ENSA: variants seen among roughly 807,000 people sequenced by gnomAD.
ENSA encodes endosulfine alpha.
Under a neutral mutation model 16.8 loss-of-function variants are expected in ENSA, and 7 were observed. The ratio of observed to expected loss-of-function variants is 0.42; its 90% CI spans 0.24 to 0.78. The LOEUF (loss-of-function observed/expected upper bound fraction) is 0.78. ENSA is among the 30% of genes least tolerant of loss of function. The pLI is 0.29. For synonymous variants in ENSA, 58 were observed against 53.4 expected (o/e 1.09, Z -0.37); for missense variants, 87 against 142.3 (o/e 0.61, Z 1.98).
chr1:150,624,286 C>T (rs1391308241), intron 3 of ENSA: 58 of 985,822 alleles, frequency 5.9e-5, no homozygotes, highest in Non-Finnish European at 6.5e-5. Flanking sequence ...TAACCACTTT[C>T]CCCAGCTTCC....
rs752097607 is a variant in ENSA at position 150,622,236 on chromosome 1, A to G, written c.*608T>C. On this transcript the variant is annotated 3_prime_UTR_variant, in exon 4 of 4. Transcript: ENST00000369014. ...CTCACGGCTCCTTTCTCCCACACTC[A>G]CTGCCCTTCTTCCCACAGCAAATCT... 6.6e-6 allele frequency: 1 copy of G among 152,040 alleles called. No homozygotes were observed. Among genetic ancestry groups the G allele is most frequent in the Non-Finnish European group, 1.5e-5 (1 of 68,010 alleles). The allele number at this position is 152,040 out of a possible 1,614,324, so 9.4% of individuals were successfully genotyped here. A position where few individuals can be genotyped will look rare whatever the true frequency, so the allele number is the denominator to read the frequency against.
Position 150,627,175 on chromosome 1 carries a change from C to T in ENSA, c.183+292G>A, listed in dbSNP as rs587597416. The T allele has an allele frequency of 6.8e-6, 10 of 1,479,342 alleles. No homozygotes were observed. The East Asian group carries it at 2.4e-4, about 35-fold the overall frequency. 91.6% of individuals were successfully genotyped at this position (1,479,342 alleles called of 1,614,324 possible). On this transcript the variant is annotated intron_variant, in intron 2 of 3. Coordinates refer to ENST00000369014, the MANE Select transcript of ENSA (RefSeq NM_004436.4). Reference sequence around the variant, plus strand: ...CTAAAACCTCCAACATTCAAACAGGCAAATGCCTGGGGGCAGTCTGCATTT... The same window carrying T: ...CTAAAACCTCCAACATTCAAACAGGTAAATGCCTGGGGGCAGTCTGCATTT...
At chr1:150,624,785 G>A (rs1971378) in intron 3 of ENSA, 511,009 of 984,308 alleles carry the variant, frequency 0.52, 137,765 homozygotes, top group Non-Finnish European at 0.55. Context: ...TTTTCTGCTG[G>A]CAGTTAAGAC....
chr1:150,622,947 C>G, intron 3 of ENSA, 88 bp from the exon 4 acceptor site: 1 of 1,451,782 alleles, frequency 6.9e-7, no homozygotes, highest in Non-Finnish European at 9.3e-7. Flanking sequence ...CAGTCTCTAC[C>G]CCATGATTCC....
chr1:150,629,073 A>G (rs1188124802), intron 1 of ENSA: 13 of 1,614,104 alleles, frequency 8.1e-6, no homozygotes, highest in East Asian at 4.5e-5. Flanking sequence ...CTACAAACCA[A>G]TAACACACAT....
chr1:150,629,269 T>G, intron 1 of ENSA, 145 bp downstream of exon 1: 2 of 1,505,308 alleles, frequency 1.3e-6, no homozygotes, highest in South Asian at 1.2e-5. Flanking sequence ...CAGCATGTCG[T>G]GTTGAAGCTC....
chr1:150,627,014 T>TGGTGA, intron 2 of ENSA: 1 of 1,119,524 alleles, frequency 8.9e-7, no homozygotes, highest in Non-Finnish European at 1.1e-6. Context: ...AATTAATGGC[T>TGGTGA]GGTGCTCACT....
intron 3 of ENSA, chr1:150,624,340 C>A: frequency 1.0e-6 from 1 of 985,916 alleles, no homozygotes; most frequent in Non-Finnish European, 1.2e-6. Context: ...TCCAGCCCTG[C>A]AGGAGTACTC....
chr1:150,623,171 G>A, intron 3 of ENSA: 1 of 1,176,538 alleles, frequency 8.5e-7, no homozygotes, highest in East Asian at 4.9e-5. Context: ...AAGCTGCCTG[G>A]CTCAGAGCAG....
At chr1:150,629,250 G>C (rs767953285) in intron 1 of ENSA, 164 bp downstream of exon 1, 29 of 1,517,812 alleles carry the variant, frequency 1.9e-5, no homozygotes, top group Non-Finnish European at 2.3e-5. Flanking sequence ...CAACTAACCA[G>C]CGCCAAAGCA....
chr1:150,625,106 C>G, intron 3 of ENSA: 2 of 985,404 alleles, frequency 2.0e-6, no homozygotes, highest in Non-Finnish European at 2.4e-6. Flanking sequence ...TAAGGGGGCA[C>G]TGTAGTTTTA....
intron 2 of ENSA, 41 bp from the exon 3 acceptor site, chr1:150,625,849 G>C (rs902403692): frequency 2.6e-6 from 4 of 1,523,748 alleles, no homozygotes; most frequent in Non-Finnish European, 3.5e-6. Flanking sequence ...GAGGACTCTG[G>C]CCTTCCTCAA....
rs1403455350 is a variant in ENSA at position 150,624,953 on chromosome 1, T to C, written c.350+689A>G. 4.1e-6 allele frequency: 4 copies of C among 984,734 alleles called. No homozygotes were observed. The Middle Eastern group carries it at 2.1e-3, about 515-fold the overall frequency. 61.0% of individuals were successfully genotyped at this position (984,734 alleles called of 1,614,324 possible). Reference sequence around the variant, plus strand: ...GATATCTTGACTCCTAAACCAGTGCTCGTCCCACTATCCCATGATACTTTC... The same window carrying C: ...GATATCTTGACTCCTAAACCAGTGCCCGTCCCACTATCCCATGATACTTTC... On this transcript the variant is annotated intron_variant, in intron 3 of 3. Transcript: ENST00000369014.
chr1:150,626,906 T>C, intron 2 of ENSA: 1 of 442,306 alleles, frequency 2.3e-6, no homozygotes, highest in Non-Finnish European at 3.1e-6. Context: ...CTTTGGGAAC[T>C]AAAAATCTGA....
intron 2 of ENSA, chr1:150,627,148 T>C: frequency 6.8e-7 from 1 of 1,472,884 alleles, no homozygotes; most frequent in Non-Finnish European, 8.9e-7. Flanking sequence ...AAGTGCACAA[T>C]CCTAAAACCT....
At chr1:150,622,962 C>T in intron 3 of ENSA, 103 bp from the exon 4 acceptor site, 1 of 1,399,954 alleles carries the variant, frequency 7.1e-7, no homozygotes, top group East Asian at 2.5e-5. Flanking sequence ...GATTCCTCCA[C>T]ATTTAACAAC....
downstream of ENSA, chr1:150,621,585 C>T (rs1268130348): frequency 6.6e-6 from 1 of 152,182 alleles, no homozygotes; most frequent in Non-Finnish European, 1.5e-5. Flanking sequence ...GGAGTTTTTT[C>T]TCCTTTGGTA....
chr1:150,627,059 G>A (rs1178497337), intron 2 of ENSA: 4 of 1,260,008 alleles, frequency 3.2e-6, no homozygotes. Flanking sequence ...ATTTCAAGTT[G>A]AGGATTTATT....
rs754543263 is a variant in ENSA at position 150,622,798 on chromosome 1, G to A, written c.*46C>T. On this transcript the variant is annotated 3_prime_UTR_variant, in exon 4 of 4. Coordinates refer to ENST00000369014, the MANE Select transcript of ENSA (RefSeq NM_004436.4). ...GGAGCCAGCACAGGACCCGGGTGGG[G>A]CAGGGAGGGGAAGCGTCTCAGGATC... 1.3e-6 allele frequency: 2 copies of A among 1,554,408 alleles called. No homozygotes were observed. Among genetic ancestry groups the A allele is most frequent in the South Asian group, 2.4e-5 (2 of 84,218 alleles).
Sources: allele counts gnomAD v4.1 joint callset, GRCh38; gene constraint gnomAD v4.1.1; transcripts MANE v1.5; gene names NCBI Gene and HGNC (gene_info 2026-07-23, HGNC 2026-07-21).